RPSA: variants seen among roughly 807,000 people sequenced by gnomAD.
The protein encoded by RPSA is small ribosomal subunit protein uS2.
For synonymous variants in RPSA, 103 were observed against 126.7 expected, an observed-to-expected ratio of 0.81 and a Z score of 1.25; for missense variants, 140 against 372.8, an observed-to-expected ratio of 0.38 and a Z score of 5.14.
At chr3:39,407,942 T>C (rs532550575) in intron 2 of RPSA, 156 bp downstream of exon 2, 3 of 625,062 alleles carry the variant, frequency 4.8e-6, no homozygotes, top group African/African-American at 1.8e-5. Flanking sequence ...GTTCTTGTTA[T>C]TGAGAGAAAA....
At position 39,409,184 on chromosome 3, in the gene RPSA, C is replaced by CTTTTTTTTTTTTTT. The variant is rs71091746; in HGVS notation, c.252+470_252+483dup. 1.2e-4 allele frequency among the ~76,000 whole-genome samples: 10 copies of CTTTTTTTTTTTTTT among 85,426 alleles called. 2 individuals carry two copies. The highest frequency in any genetic ancestry group is 1.9e-4 in the Non-Finnish European group (9 of 47,214). The allele number at this position is 85,426 out of a possible 152,430, so 56.0% of individuals were successfully genotyped here. A position where few individuals can be genotyped will look rare whatever the true frequency, so the allele number is the denominator to read the frequency against. On this transcript the variant is annotated intron_variant, in intron 3 of 6. Coordinates refer to ENST00000301821, the MANE Select transcript of RPSA (RefSeq NM_002295.6). ...ATCGCCCTTATGACCTATGACCTTC[C>CTTTTTTTTTTTTTT]TTTTTTTTTTTTTTTTTTTTTTTCC...
Position 39,410,876 on chromosome 3 carries a change from T to C in RPSA, c.375T>C (p.Thr125=), listed in dbSNP as rs1189402544. 1 of 1,597,532 alleles carries C rather than the reference T, an allele frequency of 6.3e-7. No homozygotes were observed. Among genetic ancestry groups the C allele is most frequent in the Non-Finnish European group, 8.5e-7 (1 of 1,177,060 alleles). ...AFREPRLLVV[T]DPRADHQPLT... is the part of the protein sequence containing the mutation. ...GGGAGCCACGGCTTCTTGTGGTTAC[T>C]GACCCCAGGGCTGACCACCAGCCTC... The change falls in exon 4 of 7, where the codon ACT becomes ACC. Residue 125 remains threonine, a synonymous_variant. Transcript: ENST00000301821.
At chr3:39,410,001 G>A (rs76542487) in intron 3 of RPSA, among the ~76,000 whole-genome samples, 2,680 of 152,222 alleles carry the variant, frequency 0.018, 82 homozygotes, top group African/African-American at 0.062. Context: ...TGGTGTTGGC[G>A]TGCCTGTAGT....
rs565465097 is a variant in RPSA at position 39,406,778 on chromosome 3, A to G, written c.-34+14A>G. ...GCGTTGTTCTGGGTGAGTTCCGTGTAGCGTCCCTGGCGCCTTCCAGGGCTA... is the reference window on the plus strand; with the variant it reads ...GCGTTGTTCTGGGTGAGTTCCGTGTGGCGTCCCTGGCGCCTTCCAGGGCTA... On this transcript the variant is annotated intron_variant, in intron 1 of 6. Coordinates refer to ENST00000301821, the MANE Select transcript of RPSA (RefSeq NM_002295.6). The G allele has an allele frequency of 9.0e-6, 4 of 442,670 alleles. No homozygotes were observed. Among genetic ancestry groups the G allele is most frequent in the East Asian group, 1.4e-4 (2 of 14,218 alleles). The allele number at this position is 442,670 out of a possible 1,614,324, so 27.4% of individuals were successfully genotyped here. A position where few individuals can be genotyped will look rare whatever the true frequency, so the allele number is the denominator to read the frequency against.
In RPSA at chr3:39,410,554, A is replaced by G. The variant is rs542146235; in HGVS notation, c.253-200A>G. ...TAGTGTTGCTAGGTGCTCGGGATAT[A>G]TAGTAGAAAAACAAGCCTGTCTTTT... On this transcript the variant is annotated intron_variant, in intron 3 of 6. Transcript: ENST00000301821. 16 of 617,998 alleles carry G rather than the reference A, an allele frequency of 2.6e-5. No individual in the cohort carries two copies. In the South Asian group the frequency reaches 2.7e-4, roughly 10 times the overall value. 38.3% of individuals were successfully genotyped at this position (617,998 alleles called of 1,614,324 possible).
chr3:39,406,813 G>C (rs1202623290), intron 1 of RPSA, 49 bp downstream of exon 1: 2 of 454,670 alleles, frequency 4.4e-6, no homozygotes, highest in Non-Finnish European at 8.8e-6. Flanking sequence ...AGAAAAATGA[G>C]CTTTTCCTGC....
chr3:39,407,413 G>A (rs1358717286), intron 1 of RPSA, among the ~76,000 whole-genome samples: 1 of 151,960 alleles, frequency 6.6e-6, no homozygotes, highest in Non-Finnish European at 1.5e-5. Flanking sequence ...TTTATTACTC[G>A]GTTACTCTGC....
intron 3 of RPSA, 128 bp downstream of exon 3, chr3:39,408,852 A>T: frequency 1.4e-6 from 1 of 694,890 alleles, no homozygotes; most frequent in East Asian, 2.6e-5. Flanking sequence ...TAATCCCAGC[A>T]CTTTGGGAGG....
rs745630638 is a variant in RPSA, at chr3:39,412,372, G to C, written c.*4G>C. 2.6e-5 allele frequency: 35 copies of C among 1,321,988 alleles called. No homozygotes were observed. The highest frequency in any genetic ancestry group is 3.6e-5 in the Non-Finnish European group (33 of 922,924). The allele number at this position is 1,321,988 out of a possible 1,614,324, so 81.9% of individuals were successfully genotyped here. On this transcript the variant is annotated 3_prime_UTR_variant, in exon 7 of 7. Transcript: ENST00000301821. ...AGCAACCACTGACTGGTCTTAAGCT[G>C]TTCTTGCATAGGCTCTTAAGCAGCA...
At position 39,410,404 on chromosome 3, in the gene RPSA, G is replaced by A. The variant is rs183336381; in HGVS notation, c.253-350G>A. Reference sequence around the variant, plus strand: ...AGAGGGTTATTCCTGAAACTGACTTGTTACTAGGACCACATAGTTTGGTAC... The same window carrying A: ...AGAGGGTTATTCCTGAAACTGACTTATTACTAGGACCACATAGTTTGGTAC... On this transcript the variant is annotated intron_variant, in intron 3 of 6. Coordinates refer to ENST00000301821, the MANE Select transcript of RPSA (RefSeq NM_002295.6). 2.5e-4 allele frequency: 77 copies of A among 302,288 alleles called. No homozygotes were observed. In the East Asian group the frequency reaches 5.5e-3, roughly 21 times the overall value. The allele number at this position is 302,288 out of a possible 1,614,324, so 18.7% of individuals were successfully genotyped here. A position where few individuals can be genotyped will look rare whatever the true frequency, so the allele number is the denominator to read the frequency against.
At chr3:39,408,332 G>T in intron 2 of RPSA, 1 of 612,770 alleles carries the variant, frequency 1.6e-6, no homozygotes. Context: ...AAGAACCAAT[G>T]ATGGAATAAG....
chr3:39,407,545 G>A, intron 1 of RPSA, 76 bp from the exon 2 acceptor site: 1 of 1,077,722 alleles, frequency 9.3e-7, no homozygotes, highest in Non-Finnish European at 1.4e-6. Flanking sequence ...AGCAGATGGA[G>A]TTTTTGGTTG....
At position 39,412,380 on chromosome 3, in the gene RPSA, A is replaced by G. The variant is rs774689053; in HGVS notation, c.*12A>G. On this transcript the variant is annotated 3_prime_UTR_variant, in exon 7 of 7. Transcript: ENST00000301821. ...CTGACTGGTCTTAAGCTGTTCTTGCATAGGCTCTTAAGCAGCATGGAAAAA... is the reference window on the plus strand; with the variant it reads ...CTGACTGGTCTTAAGCTGTTCTTGCGTAGGCTCTTAAGCAGCATGGAAAAA... The G allele has an allele frequency of 2.9e-5, 35 of 1,222,934 alleles. No individual in the cohort carries two copies. Among genetic ancestry groups the G allele is most frequent in the South Asian group, 2.0e-4 (16 of 81,712 alleles). The allele number at this position is 1,222,934 out of a possible 1,614,324, so 75.8% of individuals were successfully genotyped here.
chr3:39,408,781 G>A (rs1316329821), intron 3 of RPSA, 57 bp downstream of exon 3: 1 of 1,013,468 alleles, frequency 9.9e-7, no homozygotes, highest in South Asian at 1.3e-5. Context: ...CAGACATTGT[G>A]AGACATAGAA....
intron 3 of RPSA, among the ~76,000 whole-genome samples, chr3:39,409,957 G>A (rs918061196): frequency 1.3e-5 from 2 of 152,110 alleles, no homozygotes. Flanking sequence ...GCAAAACTCC[G>A]TCTCTACCAA....
intron 1 of RPSA, chr3:39,407,153 G>T: frequency 2.7e-6 from 1 of 364,122 alleles, no homozygotes; most frequent in Non-Finnish European, 5.4e-6. Context: ...CGCGCCGTGC[G>T]GGTCAGGAGT....
chr3:39,407,935 CTTG>C, intron 2 of RPSA, 149 bp downstream of exon 2: 3 of 631,250 alleles, frequency 4.8e-6, no homozygotes, highest in Non-Finnish European at 8.1e-6. Context: ...AATAAATGTT[CTTG>C]TTATTGAGAG....
intron 6 of RPSA, 49 bp downstream of exon 6, chr3:39,412,110 A>G (rs2042014315): frequency 6.4e-7 from 1 of 1,558,830 alleles, no homozygotes; most frequent in Non-Finnish European, 8.8e-7. Flanking sequence ...GCAACTTCTC[A>G]GTTTTATTCT....
intron 1 of RPSA, chr3:39,407,153 G>A (rs965191339): frequency 5.5e-6 from 2 of 364,122 alleles, no homozygotes; most frequent in South Asian, 2.0e-5. Context: ...CGCGCCGTGC[G>A]GGTCAGGAGT....
Sources: allele counts gnomAD v4.1 joint callset (sites outside exome capture counted in the v4.1 genomes callset), GRCh38; gene constraint gnomAD v4.1.1; transcripts MANE v1.5; gene names NCBI Gene and HGNC (gene_info 2026-07-23, HGNC 2026-07-21).